Variants in SETD2 observed in about 807,000 individuals in gnomAD.
SETD2 encodes histone-lysine N-methyltransferase SETD2.
In SETD2, 31 loss-of-function variants were observed where a neutral mutation model predicts 242.1. The ratio of observed to expected loss-of-function variants is 0.13; its 90% CI spans 0.10 to 0.17. The LOEUF is 0.17. SETD2 is among the 10% of genes least tolerant of loss of function. The pLI, the probability that SETD2 is intolerant of heterozygous loss-of-function variation, is 1.00. For synonymous variants in SETD2, 1,006 were observed against 1,066.5 expected (o/e 0.94, Z 1.11); for missense variants, 2,481 against 3,046.3 (o/e 0.81, Z 4.37).
chr3:47,131,578 TG>T (rs2043476802), intron 1 of SETD2, among the ~76,000 whole-genome samples: 4 of 152,216 alleles, frequency 2.6e-5, no homozygotes, highest in Admixed American at 2.6e-4. Flanking sequence ...CTCGACCTCG[TG>T]ATCCGCCTGC....
intron 13 of SETD2, among the ~76,000 whole-genome samples, chr3:47,064,061 T>C (rs943003109): frequency 4.6e-5 from 7 of 152,198 alleles, no homozygotes; most frequent in Non-Finnish European, 7.3e-5. Flanking sequence ...TAATATGCTG[T>C]TGCTTTGTGT....
chr3:47,119,923 T>C (rs993438594), intron 3 of SETD2: 12 of 431,548 alleles, frequency 2.8e-5, no homozygotes, highest in Non-Finnish European at 4.2e-5. Context: ...TAGCCTAAAT[T>C]GTACCTTGAA....
At chr3:47,054,466 C>T (rs1287675079) in intron 15 of SETD2, among the ~76,000 whole-genome samples, 4 of 152,114 alleles carry the variant, frequency 2.6e-5, no homozygotes, top group Admixed American at 6.6e-5. Flanking sequence ...ACCATTTTTA[C>T]TGTATCCCTG....
At chr3:47,083,634 T>TA (rs889369459) in intron 12 of SETD2, 86 bp downstream of exon 12, 181 of 1,277,710 alleles carry the variant, frequency 1.4e-4, no homozygotes, top group Non-Finnish European at 1.8e-4. Flanking sequence ...TATGCATGGC[T>TA]AAAAAAAGTA....
chr3:47,101,376 T>A, intron 8 of SETD2, 82 bp downstream of exon 8: 1 of 757,226 alleles, frequency 1.3e-6, no homozygotes, highest in Non-Finnish European at 2.2e-6. Context: ...TTTAAGTAAT[T>A]TATATTAAAG....
intron 12 of SETD2, among the ~76,000 whole-genome samples, chr3:47,075,445 T>C (rs1445930161): frequency 6.6e-6 from 1 of 151,292 alleles, no homozygotes; most frequent in African/African-American, 2.4e-5. Context: ...ATGCCTGTAA[T>C]TCCAGCTACT....
intron 13 of SETD2, among the ~76,000 whole-genome samples, chr3:47,062,568 T>G (rs2040385455): frequency 6.6e-6 from 1 of 152,064 alleles, no homozygotes; most frequent in Admixed American, 6.5e-5. Flanking sequence ...AATGCCCTTT[T>G]CTCCTCTTTC....
At chr3:47,047,113 T>TAAA (rs2039565873) in intron 15 of SETD2, 1 of 152,428 alleles carries the variant, frequency 6.6e-6, no homozygotes, top group South Asian at 2.1e-4. Context: ...GATCAAATTT[T>TAAA]AAGCTACCTT....
chr3:47,051,072 C>T (rs2039821812), intron 15 of SETD2, among the ~76,000 whole-genome samples: 1 of 151,504 alleles, frequency 6.6e-6, no homozygotes, highest in Admixed American at 6.6e-5. Flanking sequence ...TGCAAGTGAC[C>T]ATATTCTCTT....
chr3:47,053,444 A>G (rs2039933589), intron 15 of SETD2, among the ~76,000 whole-genome samples: 1 of 152,176 alleles, frequency 6.6e-6, no homozygotes, highest in Admixed American at 6.5e-5. Flanking sequence ...CTTGAGATGT[A>G]ATTTTGTATA....
chr3:47,026,590 G>A (rs2038490139), intron 18 of SETD2, among the ~76,000 whole-genome samples: 2 of 151,968 alleles, frequency 1.3e-5, no homozygotes, highest in Non-Finnish European at 1.5e-5. Flanking sequence ...TAAAGAAAAG[G>A]TGGCATATAT....
intron 5 of SETD2, among the ~76,000 whole-genome samples, chr3:47,110,513 C>A (rs901668570): frequency 1.3e-5 from 2 of 152,170 alleles, no homozygotes; most frequent in African/African-American, 4.8e-5. Flanking sequence ...TGGGAGATTT[C>A]CTAAAACTAC....
At chr3:47,098,144 A>C (rs1301002683) in intron 8 of SETD2, 63 bp from the exon 9 acceptor site, 2 of 1,572,204 alleles carry the variant, frequency 1.3e-6, no homozygotes, top group African/African-American at 1.4e-5. Context: ...AACTGTTGGC[A>C]ATACACACAA....
At chr3:47,151,934 T>C (rs1559768690) in intron 1 of SETD2, among the ~76,000 whole-genome samples, 1 of 151,378 alleles carries the variant, frequency 6.6e-6, no homozygotes, top group Non-Finnish European at 1.5e-5. Flanking sequence ...ATATGAGCAA[T>C]ACTATAATTG....
In SETD2 at chr3:47,122,745, C is replaced by T. The variant is rs2106686269; in HGVS notation, c.1891G>A (p.Asp631Asn). 1 of 1,611,092 alleles carries T rather than the reference C, an allele frequency of 6.2e-7. No individual in the cohort carries two copies. The highest frequency in any genetic ancestry group is 8.5e-7 in the Non-Finnish European group (1 of 1,179,106). Residue 631 changes from aspartate (D) to asparagine (N), a missense_variant, in exon 3 of 21, where the codon GAT becomes AAT. Around this residue, in one of 17 missense-constraint regions of SETD2, gnomAD observed 1,300 missense variants for 1,259.2 expected, o/e 1.03. Coordinates refer to ENST00000409792, the MANE Select transcript of SETD2 (RefSeq NM_014159.7). ...TCGGACTTAAAAATAGGCAATTCAT[C>T]TAGCTTTTTTAAAGTAGGTGAATCA... ...LNDSPTLKKL[D>N]ELPIFKSEFI...
chr3:47,109,964 T>C (rs1469109644), intron 5 of SETD2, among the ~76,000 whole-genome samples: 2 of 141,900 alleles, frequency 1.4e-5, no homozygotes, highest in Non-Finnish European at 3.0e-5. Context: ...CCAGCCTGAG[T>C]GACAGAGCAA....
chr3:47,140,220 A>ATGCCTGAAATGTTTCTCTACT (rs2043694514), intron 1 of SETD2, among the ~76,000 whole-genome samples: 1 of 152,320 alleles, frequency 6.6e-6, no homozygotes, highest in Non-Finnish European at 1.5e-5. Context: ...AACTGTATTT[A>ATGCCTGAAATGTTTCTCTACT]TGCCTGAAAT....
intron 14 of SETD2, among the ~76,000 whole-genome samples, chr3:47,057,908 T>C (rs1360787813): frequency 1.3e-5 from 2 of 152,144 alleles, no homozygotes; most frequent in African/African-American, 2.4e-5. Flanking sequence ...AGCAGGAGAT[T>C]AGATATGAAG....
chr3:47,093,649 T>C (rs954577192), intron 9 of SETD2, among the ~76,000 whole-genome samples: 8 of 152,190 alleles, frequency 5.3e-5, no homozygotes, highest in African/African-American at 1.7e-4. Context: ...AATGCTGTTG[T>C]GACTTCTGAT....
Sources: gnomAD v4.1 joint callset for allele counts (sites outside exome capture counted in the v4.1 genomes callset) on GRCh38, gnomAD v4.1.1 for gene constraint, gnomAD v4.1.1 regional missense constraint, MANE v1.5 for transcripts, NCBI Gene and HGNC (gene_info 2026-07-23, HGNC 2026-07-21) for gene names.